The following WDR49 variants were observed in gnomAD, a reference collection of about 807,000 sequenced individuals.
The protein encoded by WDR49 is WD repeat domain 49.
WDR49 carries 107 observed loss-of-function variants against 119.5 expected under a neutral mutation model. The observed-to-expected ratio is 0.90, with a 90% confidence interval of 0.77 to 1.05. WDR49 has a LOEUF of 1.05. Among genes scored for constraint, WDR49 ranks in the 50% least tolerant of loss-of-function variants. The pLI, the probability that WDR49 is intolerant of heterozygous loss-of-function variation, is 0.00. For missense variants in WDR49, 1,240 were observed against 1,220.5 expected, an observed-to-expected ratio of 1.02 and a Z score of -0.24; for synonymous variants, 425 against 418.8, an observed-to-expected ratio of 1.01 and a Z score of -0.18.
intron 2 of WDR49, among the ~76,000 whole-genome samples, chr3:167,638,679 C>G (rs1442360147): frequency 2.0e-5 from 3 of 151,556 alleles, no homozygotes; most frequent in Non-Finnish European, 4.4e-5. Flanking sequence ...AACAACAGAA[C>G]AGGGGAAATT....
At chr3:167,633,265 T>A in intron 2 of WDR49, 1 of 352,084 alleles carries the variant, frequency 2.8e-6, no homozygotes, top group South Asian at 2.2e-5. Flanking sequence ...TGAAATCCTC[T>A]GCTTCTATGA....
At position 167,549,519 on chromosome 3, in the gene WDR49, C is replaced by T. The variant is rs117219037; in HGVS notation, c.1823+5131G>A. 2.0e-3 allele frequency among the ~76,000 whole-genome samples: 311 copies of T among 152,108 alleles called. 8 individuals carry two copies. In the East Asian group the frequency reaches 0.055, roughly 27 times the overall value. ...TTGAGAAGTGTCTATTCATATCCTT[C>T]ACCCGCTTTTTCCTGGGGTTATTTG... On this transcript the variant is annotated intron_variant, in intron 10 of 18. Transcript: ENST00000682715.
In WDR49 at chr3:167,653,330, G is replaced by A; in HGVS notation, c.96C>T (p.Asp32=). 1 of 1,536,120 alleles carries A rather than the reference G, an allele frequency of 6.5e-7. No individual in the cohort carries two copies. Among genetic ancestry groups the A allele is most frequent in the Non-Finnish European group, 8.7e-7 (1 of 1,146,888 alleles). ...ERTEGVTAFE[D]YGTGLLENQL... ...GGTTTTCAAGCAGGCCTGTGCCATA[G>A]TCTTCAAATGCAGTTACACCTTCTG... The change falls in exon 2 of 19, where the codon GAC becomes GAT. Residue 32 remains aspartate (D), a synonymous_variant. Coordinates refer to ENST00000682715, the MANE Select transcript of WDR49 (RefSeq NM_001366157.1).
chr3:167,551,246 C>T (rs760700011), intron 10 of WDR49, among the ~76,000 whole-genome samples: 1 of 151,872 alleles, frequency 6.6e-6, no homozygotes, highest in Non-Finnish European at 1.5e-5. Flanking sequence ...GCCCTTGAAA[C>T]AGGAATCATG....
At chr3:167,524,084 C>A (rs1249755478) in intron 15 of WDR49, among the ~76,000 whole-genome samples, 1 of 152,142 alleles carries the variant, frequency 6.6e-6, no homozygotes, top group African/African-American at 2.4e-5. Flanking sequence ...TTAATGATTG[C>A]CATTCTAACT....
chr3:167,594,461 G>T (rs984436861), intron 7 of WDR49, among the ~76,000 whole-genome samples: 1 of 152,046 alleles, frequency 6.6e-6, no homozygotes, highest in African/African-American at 2.4e-5. Flanking sequence ...GATGATTTAG[G>T]GTATCTGGCA....
intron 11 of WDR49, among the ~76,000 whole-genome samples, chr3:167,534,634 A>T (rs566000967): frequency 6.6e-6 from 1 of 152,304 alleles, no homozygotes; most frequent in East Asian, 1.9e-4. Flanking sequence ...GTAAGTTTTC[A>T]TTCCTCTTAA....
In WDR49 at chr3:167,560,061, C is replaced by T. The variant is rs1713170464; in HGVS notation, c.1674+3G>A. On this transcript the variant is annotated splice_donor_region_variant and intron_variant, in intron 9 of 18. Transcript: ENST00000682715. ...GGATAGAAAAGCATCATTGTGTTCGCACCTTTACAGTCCCATCTGTGCTGC... is the reference window on the plus strand; with the variant it reads ...GGATAGAAAAGCATCATTGTGTTCGTACCTTTACAGTCCCATCTGTGCTGC... The T allele has an allele frequency of 4.3e-6, 7 of 1,613,992 alleles. No homozygotes were observed. The South Asian group carries it at 4.4e-5, about 10-fold the overall frequency.
chr3:167,639,743 C>T (rs184215904), intron 2 of WDR49, among the ~76,000 whole-genome samples: 121 of 151,876 alleles, frequency 8.0e-4, no homozygotes, highest in Middle Eastern at 3.4e-3. Context: ...CTGTCACATC[C>T]TTCTCAAACC....
At chr3:167,517,560 T>TA (rs1485738968) in intron 16 of WDR49, among the ~76,000 whole-genome samples, 1 of 151,996 alleles carries the variant, frequency 6.6e-6, no homozygotes, top group Non-Finnish European at 1.5e-5. Flanking sequence ...CCCAAAGCTA[T>TA]AAAAACCCTA....
At chr3:167,590,955 T>C (rs550547854) in intron 7 of WDR49, among the ~76,000 whole-genome samples, 17 of 152,132 alleles carry the variant, frequency 1.1e-4, no homozygotes, top group African/African-American at 3.8e-4. Context: ...TTTTTTCTTC[T>C]ACAGATTTGG....
intron 16 of WDR49, among the ~76,000 whole-genome samples, chr3:167,520,107 G>T (rs961051804): frequency 6.7e-6 from 1 of 148,460 alleles, no homozygotes; most frequent in Non-Finnish European, 1.5e-5. Flanking sequence ...GTGCAAACTG[G>T]GTGTGGTGGC....
intron 8 of WDR49, among the ~76,000 whole-genome samples, chr3:167,566,004 T>C (rs1046244065): frequency 6.6e-6 from 1 of 152,300 alleles, no homozygotes; most frequent in East Asian, 1.9e-4. Context: ...CTTAGAGGAA[T>C]TGAATCACCC....
chr3:167,486,581 C>CA (rs1750928006), intron 18 of WDR49, among the ~76,000 whole-genome samples: 1 of 151,832 alleles, frequency 6.6e-6, no homozygotes, highest in Non-Finnish European at 1.5e-5. Flanking sequence ...AAACAGAAAA[C>CA]AAAAAAGAGC....
intron 5 of WDR49, among the ~76,000 whole-genome samples, chr3:167,618,765 A>G (rs1447520549): frequency 6.6e-6 from 1 of 152,154 alleles, no homozygotes; most frequent in Admixed American, 6.5e-5. Flanking sequence ...CTAAATTCCC[A>G]TGTTCTTTTG....
At chr3:167,604,196 C>T (rs1715920673) in intron 6 of WDR49, 105 bp downstream of exon 6, 1 of 1,329,066 alleles carries the variant, frequency 7.5e-7, no homozygotes, top group Non-Finnish European at 1.0e-6. Context: ...TCGAGATGGT[C>T]TCTATAGCAA....
At chr3:167,513,608 C>A (rs921473510) in intron 16 of WDR49, among the ~76,000 whole-genome samples, 1 of 152,136 alleles carries the variant, frequency 6.6e-6, no homozygotes, top group Non-Finnish European at 1.5e-5. Context: ...TCACACATAA[C>A]AATATCAACC....
At chr3:167,507,532 T>C (rs937084221) in intron 16 of WDR49, among the ~76,000 whole-genome samples, 7 of 152,220 alleles carry the variant, frequency 4.6e-5, no homozygotes, top group African/African-American at 2.4e-5. Context: ...GAATTATTCA[T>C]GTAAACATGT....
At chr3:167,588,325 T>C (rs1714922018) in intron 7 of WDR49, among the ~76,000 whole-genome samples, 1 of 152,228 alleles carries the variant, frequency 6.6e-6, no homozygotes, top group Non-Finnish European at 1.5e-5. Context: ...TGTTTGTAAA[T>C]ACCACATTTT....
Sources: allele counts gnomAD v4.1 joint callset (sites outside exome capture counted in the v4.1 genomes callset), GRCh38; gene constraint gnomAD v4.1.1; transcripts MANE v1.5; gene names NCBI Gene and HGNC (gene_info 2026-07-23, HGNC 2026-07-21).